CNTNAP2: variants seen among roughly 807,000 people sequenced by gnomAD.
CNTNAP2 encodes the protein contactin-associated protein-like 2.
Under a neutral mutation model 155.2 loss-of-function variants are expected in CNTNAP2, and 98 were observed. The ratio of observed to expected loss-of-function variants is 0.63; its 90% CI spans 0.54 to 0.75. The LOEUF (loss-of-function observed/expected upper bound fraction) is 0.75. Ranked by LOEUF, CNTNAP2 falls within the 30% of genes least tolerant of loss-of-function variation. The pLI, the probability that CNTNAP2 is intolerant of heterozygous loss-of-function variation, is 0.00. For synonymous variants in CNTNAP2, 651 were observed against 631.2 expected, an observed-to-expected ratio of 1.03 and a Z score of -0.47; for missense variants, 1,727 against 1,688.1, an observed-to-expected ratio of 1.02 and a Z score of -0.40.
At chr7:147,176,082 C>G (rs548745439) in intron 8 of CNTNAP2, among the ~76,000 whole-genome samples, 8 of 152,196 alleles carry the variant, frequency 5.3e-5, no homozygotes, top group African/African-American at 1.4e-4. Flanking sequence ...ACAGAAGTCC[C>G]GTACTCATAA....
intron 21 of CNTNAP2, among the ~76,000 whole-genome samples, chr7:148,324,770 G>A: frequency 7.5e-6 from 1 of 132,492 alleles, no homozygotes. Flanking sequence ...ACTCCAGCTT[G>A]GGTGACAGAG....
intron 13 of CNTNAP2, among the ~76,000 whole-genome samples, chr7:147,781,122 A>G (rs77738779): frequency 1.3e-5 from 2 of 152,246 alleles, no homozygotes; most frequent in African/African-American, 2.4e-5. Context: ...AATGGCAAAA[A>G]GGAAATAATG....
chr7:148,251,320 G>A (rs145855371), intron 20 of CNTNAP2, among the ~76,000 whole-genome samples: 106 of 152,278 alleles, frequency 7.0e-4, no homozygotes, highest in African/African-American at 2.5e-3. Flanking sequence ...AATCCAGACC[G>A]GCCAAAGGGA....
In CNTNAP2 at chr7:148,417,637, C is replaced by T. The variant is rs1800025269; in HGVS notation, c.*2021C>T. Reference sequence around the variant, plus strand: ...CCAAGATGATTACCATTAGGAGTTACTTTATGTATTGTTGAAAGCAAATTT... The same window carrying T: ...CCAAGATGATTACCATTAGGAGTTATTTTATGTATTGTTGAAAGCAAATTT... On this transcript the variant is annotated 3_prime_UTR_variant, in exon 24 of 24. Transcript: ENST00000361727. The T allele has an allele frequency of 6.6e-6, 1 of 152,158 alleles. No individual in the cohort carries two copies. The allele number at this position is 152,158 out of a possible 1,614,324, so 9.4% of individuals were successfully genotyped here. A position where few individuals can be genotyped will look rare whatever the true frequency, so the allele number is the denominator to read the frequency against.
intron 3 of CNTNAP2, among the ~76,000 whole-genome samples, chr7:146,975,056 C>T (rs1357705): frequency 0.35 from 52,721 of 152,046 alleles, 9,781 homozygotes; most frequent in Middle Eastern, 0.41. Context: ...AATATTTTCG[C>T]AAATAGTTGT....
chr7:146,856,055 A>G (rs931770880), intron 3 of CNTNAP2, among the ~76,000 whole-genome samples: 1 of 132,748 alleles, frequency 7.5e-6, no homozygotes, highest in South Asian at 2.3e-4. Flanking sequence ...ACCTTGTTAT[A>G]CCAGAAAGAA....
intron 1 of CNTNAP2, among the ~76,000 whole-genome samples, chr7:146,171,536 A>C (rs1798390238): frequency 6.6e-6 from 1 of 152,140 alleles, no homozygotes; most frequent in Non-Finnish European, 1.5e-5. Flanking sequence ...GTTTGTTTTA[A>C]TCAACTCAAG....
chr7:147,134,243 AG>A (rs1040918376), intron 8 of CNTNAP2, among the ~76,000 whole-genome samples: 11 of 151,988 alleles, frequency 7.2e-5, no homozygotes, highest in Non-Finnish European at 1.6e-4. Flanking sequence ...GGTGTAATTT[AG>A]TACTCCAAGA....
At chr7:146,360,833 A>G (rs1795071363) in intron 1 of CNTNAP2, among the ~76,000 whole-genome samples, 1 of 152,210 alleles carries the variant, frequency 6.6e-6, no homozygotes, top group Non-Finnish European at 1.5e-5. Context: ...TTGATGTATA[A>G]CAAACGTATC....
At chr7:147,857,224 A>G (rs1170397942) in intron 13 of CNTNAP2, among the ~76,000 whole-genome samples, 1 of 152,264 alleles carries the variant, frequency 6.6e-6, no homozygotes, top group Non-Finnish European at 1.5e-5. Context: ...ATTTTTTGAC[A>G]TAAACCAAAT....
intron 1 of CNTNAP2, among the ~76,000 whole-genome samples, chr7:146,342,609 G>C (rs58811347): frequency 0.077 from 11,693 of 152,074 alleles, 951 homozygotes; most frequent in African/African-American, 0.2. Flanking sequence ...ATATTAAAAA[G>C]CATATCATTT....
chr7:146,952,615 G>C lies in CNTNAP2; in HGVS notation c.403-91292G>C, dbSNP rs541849600. ...TAAAATCAATGTGCAAAAATCACAA[G>C]CATTCCTATACACCAATAATAGACA... On this transcript the variant is annotated intron_variant, in intron 3 of 23. Transcript: ENST00000361727. Among the ~76,000 whole-genome samples, 72 of 152,176 alleles carry C rather than the reference G, an allele frequency of 4.7e-4. 3 individuals carry two copies. The South Asian group carries it at 0.015, about 31-fold the overall frequency.
chr7:147,048,067 ATTTTTTTTTTTT>A (rs11352009), intron 4 of CNTNAP2, among the ~76,000 whole-genome samples: 1 of 90,374 alleles, frequency 1.1e-5, no homozygotes, highest in African/African-American at 5.4e-5. Context: ...CGGAGAGACA[ATTTTTTTTTTTT>A]TTTTTTTTTT....
At chr7:146,956,469 C>G (rs552358233) in intron 3 of CNTNAP2, among the ~76,000 whole-genome samples, 11 of 152,156 alleles carry the variant, frequency 7.2e-5, no homozygotes, top group Non-Finnish European at 1.5e-4. Context: ...GTGCTGTCTT[C>G]CACATTGGGT....
At chr7:147,046,575 A>G (rs1227706672) in intron 4 of CNTNAP2, among the ~76,000 whole-genome samples, 1 of 152,088 alleles carries the variant, frequency 6.6e-6, no homozygotes, top group South Asian at 2.1e-4. Context: ...AATGTTTCCA[A>G]TGGGTATAGA....
chr7:146,977,539 G>A (rs1390714560), intron 3 of CNTNAP2, among the ~76,000 whole-genome samples: 1 of 152,090 alleles, frequency 6.6e-6, no homozygotes, highest in Non-Finnish European at 1.5e-5. Context: ...CACTCTGAAG[G>A]TGAAAGATAA....
chr7:146,753,877 A>G (rs1054402387), intron 1 of CNTNAP2, among the ~76,000 whole-genome samples: 2 of 152,068 alleles, frequency 1.3e-5, no homozygotes. Context: ...GCAGACTTGA[A>G]TATTTGAAAT....
intron 16 of CNTNAP2, among the ~76,000 whole-genome samples, chr7:148,140,849 A>T (rs893574784): frequency 1.3e-5 from 2 of 152,256 alleles, no homozygotes; most frequent in African/African-American, 4.8e-5. Context: ...CCAAGGGCTT[A>T]GATATTACCT....
At chr7:148,300,643 A>G (rs1284370312) in intron 21 of CNTNAP2, among the ~76,000 whole-genome samples, 5 of 151,882 alleles carry the variant, frequency 3.3e-5, no homozygotes, top group Non-Finnish European at 5.9e-5. Context: ...TAGCAGCATT[A>G]TTCACAATAG....
Sources: gnomAD v4.1 joint callset for allele counts (sites outside exome capture counted in the v4.1 genomes callset) on GRCh38, gnomAD v4.1.1 for gene constraint, MANE v1.5 for transcripts, NCBI Gene and HGNC (gene_info 2026-07-23, HGNC 2026-07-21) for gene names.